PIWIL3: variants seen among roughly 807,000 people sequenced by gnomAD.
PIWIL3 encodes piwi like RNA-mediated gene silencing 3, also known as piwi-like protein 3.
A neutral mutation model predicts 109.7 loss-of-function variants in PIWIL3; 101 were observed. The ratio of observed to expected loss-of-function variants is 0.92; its 90% confidence interval spans 0.78 to 1.09. The LOEUF (loss-of-function observed/expected upper bound fraction) is 1.09, where lower values mean the gene tolerates loss of function less well. Ranked by LOEUF, PIWIL3 falls within the 50% of genes least tolerant of loss-of-function variation. PIWIL3 has a pLI of 0.00. For synonymous variants in PIWIL3, 373 were observed against 376.4 expected (o/e 0.99, Z 0.10); for missense variants, 1,031 against 1,072.6 (o/e 0.96, Z 0.54).
At chr22:24,760,594 C>T (rs1925368638) in intron 2 of PIWIL3, among the ~76,000 whole-genome samples, 1 of 151,732 alleles carries the variant, frequency 6.6e-6, no homozygotes. Context: ...TCAAGACCAA[C>T]ATGGAGAAAC....
rs1923504410 is a variant in PIWIL3 at position 24,733,999 on chromosome 22, A to G, written c.1707+85T>C. ...TCGTTGGCAAGTTCAGGAAACCAAC[A>G]ACAACATTTTGAATTCTAAAATACT... is the stretch of plus-strand genomic sequence containing the variant. On this transcript the variant is annotated intron_variant, in intron 14 of 20. Coordinates refer to ENST00000616349, the MANE Select transcript of PIWIL3 (RefSeq NM_001255975.1). The G allele has an allele frequency of 2.1e-6, 3 of 1,455,652 alleles. No homozygotes were observed. In the South Asian group the frequency reaches 4.6e-5, roughly 22 times the overall value. 90.2% of individuals were successfully genotyped at this position (1,455,652 alleles called of 1,614,324 possible).
In PIWIL3 at chr22:24,758,049, T is replaced by C. The variant is rs768073413; in HGVS notation, c.224-10A>G. On this transcript the variant is annotated splice_polypyrimidine_tract_variant and intron_variant, in intron 3 of 20. Transcript: ENST00000616349. Reference sequence around the variant, plus strand: ...CCAGGTTCCTTCACCCCTGCATAAATGTAAACGCCAGAAGTTTAAACAATA... The same window carrying C: ...CCAGGTTCCTTCACCCCTGCATAAACGTAAACGCCAGAAGTTTAAACAATA... 10 of 1,599,676 alleles carry C rather than the reference T, an allele frequency of 6.3e-6. No individual in the cohort carries two copies. The highest frequency in any genetic ancestry group is 5.7e-5 in the South Asian group (5 of 88,166).
At chr22:24,759,479 G>C (rs1437038008) in intron 3 of PIWIL3, among the ~76,000 whole-genome samples, 1 of 152,138 alleles carries the variant, frequency 6.6e-6, no homozygotes, top group Admixed American at 6.5e-5. Context: ...CTGTATAAAC[G>C]AGGATAACCT....
chr22:24,725,343 T>A, intron 17 of PIWIL3, 102 bp downstream of exon 17: 3 of 1,435,484 alleles, frequency 2.1e-6, no homozygotes, highest in Non-Finnish European at 1.9e-6. Context: ...CACCAAAAAC[T>A]AAAGGTTCAG....
chr22:24,735,741 G>C lies in PIWIL3; in HGVS notation c.1601C>G (p.Ala534Gly), dbSNP rs1440605509. 6.2e-7 allele frequency: 1 copy of C among 1,610,742 alleles called. No homozygotes were observed. Among genetic ancestry groups the C allele is most frequent in the South Asian group, 1.1e-5 (1 of 90,142 alleles). ...TGGTTTCATAGTTATGCCCATGGGG[G>C]CTGTGACACTCTGTAGATGACCCTT... ...SLKGHLQSVT[A>G]PMGITMKPAE... The change falls in exon 13 of 21, where the codon GCC (alanine) becomes GGC (glycine). Residue 534 changes from alanine (A) to glycine (G), a missense_variant. Coordinates refer to ENST00000616349, the MANE Select transcript of PIWIL3 (RefSeq NM_001255975.1).
rs75611858 is a variant in PIWIL3 at position 24,756,544 on chromosome 22, G to A, written c.517C>T (p.Arg173Cys). 746 of 1,614,054 alleles carry A rather than the reference G, an allele frequency of 4.6e-4. 3 individuals carry two copies. In the African/African-American group the frequency reaches 8.2e-3, roughly 18 times the overall value. The change falls in exon 5 of 21, where the codon CGC becomes TGC. Residue 173 changes from arginine to cysteine, a missense_variant. Arg to Cys is a radical substitution (Grantham distance 180). Coordinates refer to ENST00000616349, the MANE Select transcript of PIWIL3 (RefSeq NM_001255975.1). ...AAAGAGTTTCCATCAAATATATGGC[G>A]CTCTCCAAATTTCCTTCTATGTTGA... is the stretch of plus-strand genomic sequence containing the variant. ...LDQHRRKFGE[R>C]HIFDGNSLLL...
At chr22:24,732,606 G>A (rs1400306307) in intron 14 of PIWIL3, among the ~76,000 whole-genome samples, 1 of 152,018 alleles carries the variant, frequency 6.6e-6, no homozygotes, top group African/African-American at 2.4e-5. Context: ...GGTGGATCAC[G>A]AGGTCAGGAG....
In PIWIL3 at chr22:24,756,807, C is replaced by T. The variant is rs1023836436; in HGVS notation, c.356-102G>A. On this transcript the variant is annotated intron_variant, in intron 4 of 20. Transcript: ENST00000616349. The stretch of plus-strand genomic sequence containing the variant: ...TAAAAGCCAAAGTTAGGGCTGGGCA[C>T]GGTGGCTCACGCCTCTAATCCCAGC... 29 of 997,714 alleles carry T rather than the reference C, an allele frequency of 2.9e-5. No individual in the cohort carries two copies. The Admixed American group carries it at 5.4e-4, about 19-fold the overall frequency. 61.8% of individuals were successfully genotyped at this position (997,714 alleles called of 1,614,324 possible). A position where few individuals can be genotyped will look rare whatever the true frequency, so the allele number is the denominator to read the frequency against.
chr22:24,755,682 T>C, intron 6 of PIWIL3, 102 bp downstream of exon 6: 1 of 1,448,594 alleles, frequency 6.9e-7, no homozygotes, highest in Non-Finnish European at 9.5e-7. Context: ...ACATGAGGAC[T>C]AGGAAGAACA....
rs1922526552 is a variant in PIWIL3, at chr22:24,719,403, T to C, written c.*69A>G. On this transcript the variant is annotated 3_prime_UTR_variant, in exon 21 of 21. Coordinates refer to ENST00000616349, the MANE Select transcript of PIWIL3 (RefSeq NM_001255975.1). ...TGGACCTAGGAAAATATTTCAGACATCCTGCTTCAAAAGGAAGACAGGCTT... is the reference window on the plus strand; with the variant it reads ...TGGACCTAGGAAAATATTTCAGACACCCTGCTTCAAAAGGAAGACAGGCTT... 1 of 1,208,444 alleles carries C rather than the reference T, an allele frequency of 8.3e-7. No individual in the cohort carries two copies. Among genetic ancestry groups the C allele is most frequent in the African/African-American group, 1.5e-5 (1 of 65,292 alleles). 74.9% of individuals were successfully genotyped at this position (1,208,444 alleles called of 1,614,324 possible).
chr22:24,739,440 T>G (rs1470004558), intron 12 of PIWIL3, among the ~76,000 whole-genome samples: 1 of 152,042 alleles, frequency 6.6e-6, no homozygotes, highest in African/African-American at 2.4e-5. Flanking sequence ...AGGATCCTAA[T>G]AGCAGCAAGA....
chr22:24,772,307 G>A lies in PIWIL3; in HGVS notation c.-23+2015C>T, dbSNP rs554049674. 5.3e-5 allele frequency among the ~76,000 whole-genome samples: 8 copies of A among 152,290 alleles called. No individual in the cohort carries two copies. The South Asian group carries it at 1.7e-3, about 32-fold the overall frequency. ...ATCTTATATTGAAGGAATAAAGTCT[G>A]CATAATAGGAGCTCATTAAATAGCA... On this transcript the variant is annotated intron_variant, in intron 1 of 20. Coordinates refer to ENST00000616349, the MANE Select transcript of PIWIL3 (RefSeq NM_001255975.1).
intron 14 of PIWIL3, among the ~76,000 whole-genome samples, chr22:24,731,862 C>A (rs892175078): frequency 1.3e-5 from 2 of 152,154 alleles, no homozygotes; most frequent in African/African-American, 4.8e-5. Context: ...CAGTGAGAAA[C>A]AGCAGCCCGG....
At position 24,755,825 on chromosome 22, in the gene PIWIL3, C is replaced by A; in HGVS notation, c.651G>T (p.Thr217=). The A allele has an allele frequency of 6.2e-7, 1 of 1,613,892 alleles. No homozygotes were observed. The highest frequency in any genetic ancestry group is 1.1e-5 in the South Asian group (1 of 91,076). Residue 217 remains threonine, a synonymous_variant, in exon 6 of 21, where the codon ACG becomes ACT. Transcript: ENST00000616349. ...TGTAATAGCGTAGGCAATCTGGCGACGTGGGCGTGAGTTCTTTGGAAAACT... is the reference window on the plus strand; with the variant it reads ...TGTAATAGCGTAGGCAATCTGGCGAAGTGGGCGTGAGTTCTTTGGAAAACT... ...TVEFSKELTP[T]SPDCLRYYNI...
At chr22:24,750,040 G>A (rs925479349) in intron 9 of PIWIL3, among the ~76,000 whole-genome samples, 3 of 152,152 alleles carry the variant, frequency 2.0e-5, no homozygotes, top group Admixed American at 2.0e-4. Flanking sequence ...GCCAAATACA[G>A]GACTCCCACC....
chr22:24,749,576 A>G (rs1924579718), intron 10 of PIWIL3, 55 bp from the exon 11 acceptor site: 1 of 1,610,964 alleles, frequency 6.2e-7, no homozygotes, highest in Non-Finnish European at 8.5e-7. Flanking sequence ...AGTGAGGACT[A>G]AATTATAACA....
rs1180635107 is a variant in PIWIL3, at chr22:24,732,310, T to C, written c.1707+1774A>G. ...GAACAGTTTTATAAGTGATTTTTAG[T>C]CCCTATTATATGGATCATTTCCATC... On this transcript the variant is annotated intron_variant, in intron 14 of 20. Coordinates refer to ENST00000616349, the MANE Select transcript of PIWIL3 (RefSeq NM_001255975.1). 2.0e-5 allele frequency among the ~76,000 whole-genome samples: 3 copies of C among 152,184 alleles called. No homozygotes were observed. In the East Asian group the frequency reaches 5.8e-4, roughly 29 times the overall value.
At chr22:24,725,184 A>G in intron 17 of PIWIL3, 147 bp from the exon 18 acceptor site, 1 of 1,065,006 alleles carries the variant, frequency 9.4e-7, no homozygotes, top group East Asian at 2.6e-5. Flanking sequence ...GGGGTTCCTC[A>G]ACAACAGCAC....
Position 24,735,861 on chromosome 22 carries a change from C to A in PIWIL3, c.1481G>T (p.Arg494Ile), listed in dbSNP as rs1286151654. 6.2e-7 allele frequency: 1 copy of A among 1,607,826 alleles called. No homozygotes were observed. The highest frequency in any genetic ancestry group is 1.7e-4 in the Middle Eastern group (1 of 6,048). The change falls in exon 13 of 21, where the codon AGA (arginine) becomes ATA (isoleucine). Residue 494 changes from arginine (R) to isoleucine (I), a missense_variant. Arg to Ile is a moderately conservative substitution (Grantham distance 97). Coordinates refer to ENST00000616349, the MANE Select transcript of PIWIL3 (RefSeq NM_001255975.1). Reference sequence around the variant, plus strand: ...AAGTAAGGGTAATTCTCTTATTTCTCTTGACCAGTCTCCTTGTGAATTGGC... The same window carrying A: ...AAGTAAGGGTAATTCTCTTATTTCTATTGACCAGTCTCCTTGTGAATTGGC... ...VKANSQGDWSREIRELPLLNA... is the reference protein window; with the variant it reads ...VKANSQGDWSIEIRELPLLNA...
Sources: gnomAD v4.1 joint callset for allele counts (sites outside exome capture counted in the v4.1 genomes callset) on GRCh38, gnomAD v4.1.1 for gene constraint, MANE v1.5 for transcripts, NCBI Gene and HGNC (gene_info 2026-07-23, HGNC 2026-07-21) for gene names.